Variants in CTNNA2 observed in about 807,000 individuals in gnomAD.
CTNNA2 encodes catenin alpha 2, also known as catenin alpha-2.
In CTNNA2, 42 loss-of-function variants were observed where a neutral mutation model predicts 101.0. The ratio of observed to expected loss-of-function variants is 0.42; its 90% CI spans 0.32 to 0.54. The LOEUF (loss-of-function observed/expected upper bound fraction) is 0.54, where lower values mean the gene tolerates loss of function less well. CTNNA2 is among the 20% of genes least tolerant of loss of function. The pLI, the probability that CTNNA2 is intolerant of heterozygous loss-of-function variation, is 0.14. For missense variants in CTNNA2, 871 were observed against 1,223.1 expected (o/e 0.71, Z 4.29); for synonymous variants, 450 against 456.4 (o/e 0.99, Z 0.18).
intron 9 of CTNNA2, among the ~76,000 whole-genome samples, chr2:80,444,801 T>A (rs1682930200): frequency 6.6e-6 from 1 of 152,160 alleles, no homozygotes; most frequent in South Asian, 2.1e-4. Flanking sequence ...CAACCATGCT[T>A]GCACCCTGGA....
At chr2:80,638,526 G>A (rs1673108972) in intron 18 of CTNNA2, among the ~76,000 whole-genome samples, 1 of 152,138 alleles carries the variant, frequency 6.6e-6, no homozygotes, top group Non-Finnish European at 1.5e-5. Flanking sequence ...ATAAACAGGT[G>A]GCCCTGTTCC....
At chr2:80,239,710 G>A (rs1354643378) in intron 7 of CTNNA2, among the ~76,000 whole-genome samples, 1 of 151,966 alleles carries the variant, frequency 6.6e-6, no homozygotes, top group Admixed American at 6.6e-5. Context: ...TCAGGAGTTC[G>A]AGACCAGCCT....
At chr2:79,689,391 A>G (rs770926531) in intron 2 of CTNNA2, among the ~76,000 whole-genome samples, 2 of 152,140 alleles carry the variant, frequency 1.3e-5, no homozygotes, top group Non-Finnish European at 2.9e-5. Flanking sequence ...TGGCTGAAAC[A>G]TGGAAATCAG....
chr2:79,992,894 C>T (rs752022411), intron 7 of CTNNA2, among the ~76,000 whole-genome samples: 16 of 152,178 alleles, frequency 1.1e-4, no homozygotes, highest in Non-Finnish European at 1.9e-4. Context: ...TAACCAAACA[C>T]TATCTTCTGG....
At chr2:80,232,341 GTTTGTTTTTTTTTTTTTTTTTTTTTTT>G (rs1709283257) in intron 7 of CTNNA2, among the ~76,000 whole-genome samples, 29 of 82,062 alleles carry the variant, frequency 3.5e-4, no homozygotes, top group East Asian at 3.1e-3. Flanking sequence ...TTGTTTGTTT[GTTTGTTTTTTTTTTTTTTTTTTTTTTT>G]TTTTTTTTTT....
rs562811617 is a variant in CTNNA2, at chr2:79,327,902, A to G, written c.-318+15106A>G. Among the ~76,000 whole-genome samples, 59 of 152,318 alleles carry G rather than the reference A, an allele frequency of 3.9e-4. 1 individual carries two copies. The highest frequency in any genetic ancestry group is 6.3e-4 in the Non-Finnish European group (43 of 68,036). ...CTCCTTGGAAAGACTCTGTGAAATC[A>G]GAAGACTAGTAGGCAAAGGTAGGGT... On this transcript the variant is annotated intron_variant, in intron 3 of 21. Transcript: ENST00000466387.
At chr2:80,525,458 A>G (rs1689953061) in intron 9 of CTNNA2, among the ~76,000 whole-genome samples, 1 of 152,078 alleles carries the variant, frequency 6.6e-6, no homozygotes, top group Non-Finnish European at 1.5e-5. Context: ...GGTCAAGTTC[A>G]GCGACTCTGA....
chr2:79,795,240 C>G (rs60381280), intron 3 of CTNNA2, among the ~76,000 whole-genome samples: 22,713 of 151,940 alleles, frequency 0.15, 2,945 homozygotes, highest in African/African-American at 0.34. Flanking sequence ...ATAACATTGA[C>G]TTTTCTTGCC....
chr2:79,386,810 T>G (rs1678110878), intron 4 of CTNNA2, among the ~76,000 whole-genome samples: 1 of 152,216 alleles, frequency 6.6e-6, no homozygotes, highest in Admixed American at 6.5e-5. Context: ...TCCTTTTTGG[T>G]TTTAGACTTT....
Position 79,216,716 on chromosome 2 carries a change from C to T in CTNNA2, c.-406+18640C>T, listed in dbSNP as rs188526939. Reference sequence around the variant, plus strand: ...AGGAGAAGGGGTTGGGGGGTTCTTGCCCCCTAGAAAAGCGGTACTTGCAGC... The same window carrying T: ...AGGAGAAGGGGTTGGGGGGTTCTTGTCCCCTAGAAAAGCGGTACTTGCAGC... On this transcript the variant is annotated intron_variant, in intron 2 of 21. Coordinates refer to the CTNNA2 transcript ENST00000466387. 9.5e-4 allele frequency among the ~76,000 whole-genome samples: 142 copies of T among 149,898 alleles called. 1 individual carries two copies. The East Asian group carries it at 0.025, about 27-fold the overall frequency.
intron 1 of CTNNA2, among the ~76,000 whole-genome samples, chr2:79,591,974 A>G (rs1459189411): frequency 4.0e-5 from 6 of 148,888 alleles, no homozygotes; most frequent in African/African-American, 1.5e-4. Flanking sequence ...TTTTTCTCCC[A>G]AAGGATGCTT....
Position 79,697,250 on chromosome 2 carries a change from A to T in CTNNA2, c.102+45592A>T, listed in dbSNP as rs568795823. Among the ~76,000 whole-genome samples, 12 of 152,126 alleles carry T rather than the reference A, an allele frequency of 7.9e-5. No homozygotes were observed. The East Asian group carries it at 2.3e-3, about 29-fold the overall frequency. ...AAAATAGTTCCTCCATAGTTATGCA[A>T]TGTCACTCCTGACAAACTTTGTAGA... is the stretch of plus-strand genomic sequence containing the variant. On this transcript the variant is annotated intron_variant, in intron 2 of 18. Transcript: ENST00000402739.
chr2:80,568,962 A>G (rs546099042), intron 12 of CTNNA2, among the ~76,000 whole-genome samples: 35 of 152,296 alleles, frequency 2.3e-4, no homozygotes, highest in African/African-American at 7.9e-4. Context: ...TCTGTAGTAT[A>G]GGGAATCATT....
At chr2:79,644,044 T>G (rs547180472) in intron 1 of CTNNA2, among the ~76,000 whole-genome samples, 1 of 152,018 alleles carries the variant, frequency 6.6e-6, no homozygotes, top group African/African-American at 2.4e-5. Context: ...TTGTTTTGTT[T>G]TGTTTTGTTT....
rs113850606 is a variant in CTNNA2 at position 80,151,736 on chromosome 2, G to T, written c.1057-241475G>T. On this transcript the variant is annotated intron_variant, in intron 7 of 18. Coordinates refer to ENST00000402739, the MANE Select transcript of CTNNA2 (RefSeq NM_001282597.3). ...CACCAAAGTCCTCATGGTTCCTACTGGTCCCGATTTCTGTGTAATGGCTGG... is the reference window on the plus strand; with the variant it reads ...CACCAAAGTCCTCATGGTTCCTACTTGTCCCGATTTCTGTGTAATGGCTGG... Among the ~76,000 whole-genome samples the T allele has an allele frequency of 5.0e-3, 766 of 152,270 alleles. 9 individuals are homozygous for T. The highest frequency in any genetic ancestry group is 0.017 in the African/African-American group (717 of 41,540).
chr2:80,206,211 A>G (rs1707523405), intron 7 of CTNNA2, among the ~76,000 whole-genome samples: 1 of 152,188 alleles, frequency 6.6e-6, no homozygotes, highest in Admixed American at 6.5e-5. Context: ...GTCACTACAG[A>G]TTAAGATGTG....
intron 7 of CTNNA2, among the ~76,000 whole-genome samples, chr2:80,127,905 G>A (rs954763201): frequency 6.6e-6 from 1 of 151,986 alleles, no homozygotes; most frequent in African/African-American, 2.4e-5. Flanking sequence ...GATCTCTGTG[G>A]GAGAGTTCTT....
chr2:79,621,460 A>C (rs1678993372), intron 1 of CTNNA2, among the ~76,000 whole-genome samples: 1 of 152,210 alleles, frequency 6.6e-6, no homozygotes, highest in African/African-American at 2.4e-5. Context: ...AAAGGGACAC[A>C]ATTAAAAAGT....
At chr2:80,571,144 T>C (rs1451191251) in intron 12 of CTNNA2, among the ~76,000 whole-genome samples, 1 of 152,188 alleles carries the variant, frequency 6.6e-6, no homozygotes, top group Non-Finnish European at 1.5e-5. Flanking sequence ...ATAACCTTTT[T>C]CACCCCTTTA....
Sources: allele counts gnomAD v4.1 joint callset (sites outside exome capture counted in the v4.1 genomes callset), GRCh38; gene constraint gnomAD v4.1.1; transcripts MANE v1.5; gene names NCBI Gene and HGNC (gene_info 2026-07-23, HGNC 2026-07-21).